The following UTP14C variants were observed in gnomAD, a reference collection of about 807,000 sequenced individuals.
UTP14C encodes the protein UTP14C small subunit processome component.
In UTP14C, 10 loss-of-function variants were observed where a neutral mutation model predicts 14.6. That is an observed-to-expected ratio of 0.68 (90% CI 0.42 to 1.16). The LOEUF (loss-of-function observed/expected upper bound fraction) is 1.16. Among genes scored for constraint, UTP14C ranks in the 50% most tolerant of loss-of-function variants. The pLI is 0.00. For synonymous variants in UTP14C, 315 were observed against 331.6 expected (o/e 0.95, Z 0.54); for missense variants, 818 against 890.8 (o/e 0.92, Z 1.04).
At position 52,030,593 on chromosome 13, in the gene UTP14C, G is replaced by C. The variant is rs768602817; in HGVS notation, c.1789G>C (p.Ala597Pro). 3.1e-6 allele frequency: 5 copies of C among 1,614,218 alleles called. No individual in the cohort carries two copies. In the South Asian group the frequency reaches 5.5e-5, roughly 18 times the overall value. Residue 597 changes from alanine to proline, a missense_variant, in exon 2 of 2, where the codon GCT becomes CCT. Transcript: ENST00000521776. Reference protein sequence around the residue: ...ERDQRQMIKEAFAGDDVIRDF... With the variant: ...ERDQRQMIKEPFAGDDVIRDF... ...AGACCAAAGGCAGATGATAAAGGAAGCTTTTGCTGGGGATGATGTCATCAG... is the reference window on the plus strand; with the variant it reads ...AGACCAAAGGCAGATGATAAAGGAACCTTTTGCTGGGGATGATGTCATCAG...
In UTP14C at chr13:52,033,471, A is replaced by G. The variant is rs1378639206; in HGVS notation, c.*2366A>G. ...AAGAAGTGATTTTTCATTCTCTTGG[A>G]TTCTTTCCAGTGTGGTGCCTTTTAT... On this transcript the variant is annotated 3_prime_UTR_variant, in exon 2 of 2. Coordinates refer to ENST00000521776, the MANE Select transcript of UTP14C (RefSeq NM_021645.6). The G allele has an allele frequency of 1.8e-5, 3 of 167,030 alleles. No individual in the cohort carries two copies. Among genetic ancestry groups the G allele is most frequent in the African/African-American group, 7.2e-5 (3 of 41,422 alleles). 10.3% of individuals were successfully genotyped at this position (167,030 alleles called of 1,614,324 possible).
intron 1 of UTP14C, among the ~76,000 whole-genome samples, chr13:52,026,870 A>C (rs1237494691): frequency 1.3e-5 from 2 of 152,206 alleles, no homozygotes; most frequent in African/African-American, 4.8e-5. Flanking sequence ...GTAGTTATCA[A>C]AGCTCCCGTG....
chr13:52,029,529 AAG>A lies in UTP14C; in HGVS notation c.729_730del (p.Lys244GlufsTer5), dbSNP rs1259609975. On this transcript the variant is annotated frameshift_variant, in exon 2 of 2. Coordinates refer to ENST00000521776, the MANE Select transcript of UTP14C (RefSeq NM_021645.6). LOFTEE classifies it low-confidence loss of function (END_TRUNC). The stretch of plus-strand genomic sequence containing the variant: ...TCCTACTATGAGGCCAAGGCTCGAA[AAG>A]AGAAGAAAATCAAAAGTAAAAAGTA... 1 of 1,614,218 alleles carries A rather than the reference AAG, an allele frequency of 6.2e-7. No homozygotes were observed. Among genetic ancestry groups the A allele is most frequent in the East Asian group, 2.2e-5 (1 of 44,884 alleles).
At position 52,029,698 on chromosome 13, in the gene UTP14C, C is replaced by A; in HGVS notation, c.894C>A (p.His298Gln). ...ARMMERMSLK[H>Q]QNSGKWAKSK... ...TGATGGAAAGAATGAGCCTTAAGCA[C>A]CAAAACAGTGGGAAATGGGCCAAGT... Residue 298 changes from histidine to glutamine, a missense_variant, in exon 2 of 2, where the codon CAC (histidine) becomes CAA (glutamine). By Grantham distance (24) the His-to-Gln change is conservative. Coordinates refer to ENST00000521776, the MANE Select transcript of UTP14C (RefSeq NM_021645.6). 1.9e-6 allele frequency: 3 copies of A among 1,614,122 alleles called. No individual in the cohort carries two copies. Among genetic ancestry groups the A allele is most frequent in the Non-Finnish European group, 2.5e-6 (3 of 1,180,020 alleles).
Position 52,028,921 on chromosome 13 carries a change from G to A in UTP14C, c.117G>A (p.Glu39=), listed in dbSNP as rs371266719. 12 of 1,614,244 alleles carry A rather than the reference G, an allele frequency of 7.4e-6. No individual in the cohort carries two copies. The highest frequency in any genetic ancestry group is 3.3e-4 in the Middle Eastern group (2 of 6,062). The change falls in exon 2 of 2, where the codon GAG becomes GAA. Residue 39 remains glutamate, a synonymous_variant. Transcript: ENST00000521776. The part of the protein sequence containing the change: ...ENEDEGDSDG[E]RKHQKLLEAI... ...AAGATGAGGGGGACAGTGATGGAGA[G>A]AGAAAGCATCAAAAGCTTCTGGAAG...
At position 52,029,604 on chromosome 13, in the gene UTP14C, T is replaced by C. The variant is rs1348566160; in HGVS notation, c.800T>C (p.Phe267Ser). The C allele has an allele frequency of 6.2e-7, 1 of 1,614,120 alleles. No individual in the cohort carries two copies. The highest frequency in any genetic ancestry group is 1.3e-5 in the African/African-American group (1 of 74,996). The part of the protein sequence containing the change: ...KGKAKKALKE[F>S]EQLQKVNPTV... ...AAGGCCAAGAAAGCCTTAAAAGAGTTTGAGCAGCTACAGAAGGTTAATCCA... is the reference window on the plus strand; with the variant it reads ...AAGGCCAAGAAAGCCTTAAAAGAGTCTGAGCAGCTACAGAAGGTTAATCCA... The change falls in exon 2 of 2, where the codon TTT becomes TCT. Residue 267 changes from phenylalanine (F) to serine (S), a missense_variant. Transcript: ENST00000521776.
Position 52,030,604 on chromosome 13 carries a change from G to A in UTP14C, c.1800G>A (p.Gly600=), listed in dbSNP as rs185309124. ...QRQMIKEAFA[G]DDVIRDFLKE... Reference sequence around the variant, plus strand: ...AGATGATAAAGGAAGCTTTTGCTGGGGATGATGTCATCAGAGATTTCTTGA... The same window carrying A: ...AGATGATAAAGGAAGCTTTTGCTGGAGATGATGTCATCAGAGATTTCTTGA... Residue 600 remains glycine (G), a synonymous_variant, in exon 2 of 2, where the codon GGG becomes GGA. Coordinates refer to ENST00000521776, the MANE Select transcript of UTP14C (RefSeq NM_021645.6). The A allele has an allele frequency of 6.2e-7, 1 of 1,614,066 alleles. No individual in the cohort carries two copies. The highest frequency in any genetic ancestry group is 1.7e-5 in the Admixed American group (1 of 59,998).
rs749647219 is a variant in UTP14C, at chr13:52,029,067, A to G, written c.263A>G (p.Asp88Gly). The G allele has an allele frequency of 5.6e-6, 9 of 1,614,264 alleles. No individual in the cohort carries two copies. In the South Asian group the frequency reaches 9.9e-5, roughly 18 times the overall value. Residue 88 changes from aspartate to glycine, a missense_variant, in exon 2 of 2, where the codon GAT becomes GGT. By Grantham distance (94) the Asp-to-Gly change is moderately conservative (BLOSUM62 -1). Transcript: ENST00000521776. ...TCAGGAGAAAAGCTGGGCCTTGCAG[A>G]TCTGCTTGAGCCCGTTAAAACTTCA... ...EGSGEKLGLA[D>G]LLEPVKTSSS...
rs1245383004 is a variant in UTP14C, at chr13:52,033,372, ATAT to A, written c.*2272_*2274del. 1 of 167,062 alleles carries A rather than the reference ATAT, an allele frequency of 6.0e-6. No individual in the cohort carries two copies. Among genetic ancestry groups the A allele is most frequent in the Non-Finnish European group, 1.5e-5 (1 of 68,124 alleles). The allele number at this position is 167,062 out of a possible 1,614,324, so 10.3% of individuals were successfully genotyped here. On this transcript the variant is annotated 3_prime_UTR_variant, in exon 2 of 2. Coordinates refer to ENST00000521776, the MANE Select transcript of UTP14C (RefSeq NM_021645.6). ...GGTTTTGTGTAATAATTATTTGTAA[ATAT>A]TATTTAGATTTGTATTTAGACATGA...
chr13:52,025,047 C>A (rs1954227798), intron 1 of UTP14C, 110 bp downstream of exon 1: 1 of 1,203,230 alleles, frequency 8.3e-7, no homozygotes, highest in Non-Finnish European at 1.2e-6. Context: ...AATTCTCTTG[C>A]CCTCATCCAC....
In UTP14C at chr13:52,032,300, A is replaced by G. The variant is rs150723243; in HGVS notation, c.*1195A>G. 2 of 167,120 alleles carry G rather than the reference A, an allele frequency of 1.2e-5. No homozygotes were observed. Among genetic ancestry groups the G allele is most frequent in the African/African-American group, 2.4e-5 (1 of 41,596 alleles). The allele number at this position is 167,120 out of a possible 1,614,324, so 10.4% of individuals were successfully genotyped here. A position where few individuals can be genotyped will look rare whatever the true frequency, so the allele number is the denominator to read the frequency against. On this transcript the variant is annotated 3_prime_UTR_variant, in exon 2 of 2. Coordinates refer to ENST00000521776, the MANE Select transcript of UTP14C (RefSeq NM_021645.6). ...CATACTAAATGTCTTCTATAATCCT[A>G]TATTTATTAATGCATTACAACTCTG... is the stretch of plus-strand genomic sequence containing the variant.
Position 52,024,763 on chromosome 13 carries a change from T to G in UTP14C, c.-661T>G. ...GCTTAAACTTGTCCTCATTGGAGGT[T>G]GTCGTAACAAAGATGATGAACTTAG... On this transcript the variant is annotated 5_prime_UTR_variant, in exon 1 of 2. Coordinates refer to ENST00000521776, the MANE Select transcript of UTP14C (RefSeq NM_021645.6). The G allele has an allele frequency of 6.2e-7, 1 of 1,614,238 alleles. No individual in the cohort carries two copies. The highest frequency in any genetic ancestry group is 8.5e-7 in the Non-Finnish European group (1 of 1,180,038).
Position 52,030,767 on chromosome 13 carries a change from G to A in UTP14C, c.1963G>A (p.Gly655Ser). The A allele has an allele frequency of 3.1e-6, 5 of 1,614,128 alleles. No individual in the cohort carries two copies. The highest frequency in any genetic ancestry group is 4.2e-6 in the Non-Finnish European group (5 of 1,180,026). The change falls in exon 2 of 2, where the codon GGT (glycine) becomes AGT (serine). Residue 655 changes from glycine (G) to serine (S), a missense_variant. Physicochemically the swap from Gly to Ser is moderately conservative, Grantham distance 56. Coordinates refer to ENST00000521776, the MANE Select transcript of UTP14C (RefSeq NM_021645.6). ...RRQFLIKAPE[G>S]PPRKDKNLPN... ...CCAGTTTCTCATTAAAGCCCCTGAGGGTCCTCCAAGAAAAGATAAGAATTT... is the reference window on the plus strand; with the variant it reads ...CCAGTTTCTCATTAAAGCCCCTGAGAGTCCTCCAAGAAAAGATAAGAATTT...
In UTP14C at chr13:52,028,844, C is replaced by T; in HGVS notation, c.40C>T (p.His14Tyr). The T allele has an allele frequency of 1.2e-6, 2 of 1,614,184 alleles. No individual in the cohort carries two copies. Among genetic ancestry groups the T allele is most frequent in the Non-Finnish European group, 1.7e-6 (2 of 1,180,032 alleles). ...NQVAENLALSHQEELVDLPKN... is the reference protein window; with the variant it reads ...NQVAENLALSYQEELVDLPKN... The stretch of plus-strand genomic sequence containing the variant: ...GGTTGCAGAGAATCTGGCTTTGAGC[C>T]ACCAGGAAGAACTAGTGGATTTGCC... The change falls in exon 2 of 2, where the codon CAC (histidine) becomes TAC (tyrosine). Residue 14 changes from histidine to tyrosine, a missense_variant. By Grantham distance (83) the His-to-Tyr change is moderately conservative. Coordinates refer to ENST00000521776, the MANE Select transcript of UTP14C (RefSeq NM_021645.6).
At chr13:52,027,875 C>T (rs1954256880) in intron 1 of UTP14C, among the ~76,000 whole-genome samples, 1 of 152,132 alleles carries the variant, frequency 6.6e-6, no homozygotes, top group African/African-American at 2.4e-5. Context: ...TACCATCTTG[C>T]TAACATTCTC....
chr13:52,033,107 A>G lies in UTP14C; in HGVS notation c.*2002A>G, dbSNP rs530886511. On this transcript the variant is annotated 3_prime_UTR_variant, in exon 2 of 2. Coordinates refer to ENST00000521776, the MANE Select transcript of UTP14C (RefSeq NM_021645.6). ...TATCATTGGAAGATATAATTTGCAT[A>G]TATGTTCATTATCAGTGTTCCTAAT... The G allele has an allele frequency of 2.4e-5, 4 of 167,216 alleles. No homozygotes were observed. Among genetic ancestry groups the G allele is most frequent in the African/African-American group, 7.2e-5 (3 of 41,570 alleles). 10.4% of individuals were successfully genotyped at this position (167,216 alleles called of 1,614,324 possible).
intron 1 of UTP14C, among the ~76,000 whole-genome samples, chr13:52,027,377 T>G (rs753122883): frequency 2.6e-5 from 4 of 152,074 alleles, no homozygotes; most frequent in Non-Finnish European, 5.9e-5. Context: ...AAGATGCAGG[T>G]CTCTGAGAAA....
rs1954274190 is a variant in UTP14C at position 52,029,340 on chromosome 13, C to T, written c.536C>T (p.Ala179Val). The stretch of plus-strand genomic sequence containing the variant: ...GAACATGCGCTCAGTGGCTGGAAGG[C>T]AAGAACTCCCCTGGAGCAGGAAATT... ...PIEHALSGWK[A>V]RTPLEQEIFN... Residue 179 changes from alanine (A) to valine (V), a missense_variant, in exon 2 of 2, where the codon GCA (alanine) becomes GTA (valine). Coordinates refer to ENST00000521776, the MANE Select transcript of UTP14C (RefSeq NM_021645.6). The T allele has an allele frequency of 5.6e-6, 9 of 1,614,120 alleles. No individual in the cohort carries two copies. Among genetic ancestry groups the T allele is most frequent in the Non-Finnish European group, 7.6e-6 (9 of 1,180,022 alleles).
Position 52,029,659 on chromosome 13 carries a change from T to G in UTP14C, c.855T>G (p.Ile285Met), listed in dbSNP as rs755054488. 3 of 1,614,066 alleles carry G rather than the reference T, an allele frequency of 1.9e-6. No individual in the cohort carries two copies. The highest frequency in any genetic ancestry group is 2.5e-6 in the Non-Finnish European group (3 of 1,180,030). Residue 285 changes from isoleucine to methionine, a missense_variant, in exon 2 of 2, where the codon ATT (isoleucine) becomes ATG (methionine). Ile to Met is a conservative substitution (Grantham distance 10, BLOSUM62 1). Transcript: ENST00000521776. ...PTVALEEMEK[I>M]ENARMMERMS... ...TGGCACTGGAAGAAATGGAAAAAATTGAAAATGCCAGAATGATGGAAAGAA... is the reference window on the plus strand; with the variant it reads ...TGGCACTGGAAGAAATGGAAAAAATGGAAAATGCCAGAATGATGGAAAGAA...
Sources: gnomAD v4.1 joint callset for allele counts (sites outside exome capture counted in the v4.1 genomes callset) on GRCh38, gnomAD v4.1.1 for gene constraint, MANE v1.5 for transcripts, NCBI Gene and HGNC (gene_info 2026-07-23, HGNC 2026-07-21) for gene names.